The following KCNG3 variants were observed in gnomAD, a reference collection of about 807,000 sequenced individuals.
The protein encoded by KCNG3 is voltage-gated potassium channel regulatory subunit KCNG3.
Under a neutral mutation model 29.0 loss-of-function variants are expected in KCNG3, and 15 were observed. The ratio of observed to expected loss-of-function variants is 0.52; its 90% confidence interval spans 0.35 to 0.80. The LOEUF is 0.80. Among genes scored for constraint, KCNG3 ranks in the 30% least tolerant of loss-of-function variants. The pLI is 0.01. For synonymous variants in KCNG3, 322 were observed against 248.9 expected, an observed-to-expected ratio of 1.29 and a Z score of -2.76; for missense variants, 512 against 605.7, an observed-to-expected ratio of 0.85 and a Z score of 1.62.
At chr2:42,391,351 A>G in the KCNG3 span, among the ~76,000 whole-genome samples, 1 of 152,292 alleles carries the variant, frequency 6.6e-6, no homozygotes, top group South Asian at 2.1e-4. Flanking sequence ...TTCAACACCC[A>G]TAACTCACAG....
downstream of KCNG3, among the ~76,000 whole-genome samples, chr2:42,441,721 C>T (rs1258826531): frequency 1.3e-4 from 1 of 7,818 alleles, no homozygotes; most frequent in African/African-American, 2.3e-4. Context: ...TATATACACA[C>T]ACACATATCC....
At chr2:42,418,924 G>T in the KCNG3 span, among the ~76,000 whole-genome samples, 2 of 152,036 alleles carry the variant, frequency 1.3e-5, no homozygotes, top group African/African-American at 4.8e-5. Context: ...TTCTGTATCA[G>T]ATTTTATGGC....
the KCNG3 span, among the ~76,000 whole-genome samples, chr2:42,436,726 C>T: frequency 6.6e-6 from 1 of 152,194 alleles, no homozygotes; most frequent in African/African-American, 2.4e-5. Flanking sequence ...ATCCCAGCTA[C>T]CCCTTAGAAA....
chr2:42,470,375 C>T (rs1201002854), intron 1 of KCNG3: 1 of 219,610 alleles, frequency 4.6e-6, no homozygotes, highest in African/African-American at 2.4e-5. Flanking sequence ...CAGCCACAGT[C>T]AGAAAGATAT....
At chr2:42,468,554 AT>A (rs1673202115) in intron 1 of KCNG3, among the ~76,000 whole-genome samples, 1 of 152,218 alleles carries the variant, frequency 6.6e-6, no homozygotes, top group Non-Finnish European at 1.5e-5. Context: ...ATATAAAATA[AT>A]TTTTAGATGA....
intron 1 of KCNG3, among the ~76,000 whole-genome samples, chr2:42,449,913 T>C (rs1672707390): frequency 6.6e-6 from 1 of 152,162 alleles, no homozygotes; most frequent in African/African-American, 2.4e-5. Context: ...CCAGCTAACA[T>C]ACTCTGTCTC....
chr2:42,472,376 G>A (rs1022991327), intron 1 of KCNG3, among the ~76,000 whole-genome samples: 4 of 152,106 alleles, frequency 2.6e-5, no homozygotes, highest in African/African-American at 9.7e-5. Context: ...TATATTTCGT[G>A]TACATAATCA....
chr2:42,421,223 A>G, the KCNG3 span, among the ~76,000 whole-genome samples: 2 of 152,240 alleles, frequency 1.3e-5, no homozygotes, highest in Non-Finnish European at 2.9e-5. Flanking sequence ...CTGAGCAACA[A>G]TTATGTGCTG....
the KCNG3 span, among the ~76,000 whole-genome samples, chr2:42,406,326 TCTC>T: frequency 6.6e-6 from 1 of 151,172 alleles, no homozygotes; most frequent in Non-Finnish European, 1.5e-5. Flanking sequence ...TTCAAGCAAT[TCTC>T]CTGTCTCAGC....
In KCNG3 at chr2:42,448,005, T is replaced by C. The variant is rs1401898685; in HGVS notation, c.666-3426A>G. 3.3e-5 allele frequency among the ~76,000 whole-genome samples: 5 copies of C among 152,172 alleles called. No individual in the cohort carries two copies. In the East Asian group the frequency reaches 7.7e-4, roughly 23 times the overall value. On this transcript the variant is annotated intron_variant, in intron 1 of 1. Transcript: ENST00000306078. Reference sequence around the variant, plus strand: ...AAATTACCCACCCACAGGCAATGCATAGGAGTGTCTATTCCCCACGGCCTC... The same window carrying C: ...AAATTACCCACCCACAGGCAATGCACAGGAGTGTCTATTCCCCACGGCCTC...
chr2:42,391,291 A>G, the KCNG3 span, among the ~76,000 whole-genome samples: 1 of 152,186 alleles, frequency 6.6e-6, no homozygotes, highest in Non-Finnish European at 1.5e-5. Context: ...TGACCAGAAG[A>G]CAAGCCCCTA....
At chr2:42,482,777 A>G (rs1177825969) in intron 1 of KCNG3, among the ~76,000 whole-genome samples, 1 of 152,044 alleles carries the variant, frequency 6.6e-6, no homozygotes, top group African/African-American at 2.4e-5. Context: ...ACAATCTTGT[A>G]AATATCCCAA....
chr2:42,471,184 GTATA>G (rs111230198), intron 1 of KCNG3, among the ~76,000 whole-genome samples: 30 of 147,950 alleles, frequency 2.0e-4, no homozygotes, highest in East Asian at 2.0e-3. Context: ...GTGTGTGTGT[GTATA>G]TATATATATA....
chr2:42,462,320 A>C (rs372889051), intron 1 of KCNG3, among the ~76,000 whole-genome samples: 98 of 152,332 alleles, frequency 6.4e-4, no homozygotes, highest in South Asian at 8.3e-4. Context: ...GGTAGAAAAG[A>C]AGCAGCTATC....
chr2:42,398,538 T>C, the KCNG3 span, among the ~76,000 whole-genome samples: 5 of 152,156 alleles, frequency 3.3e-5, no homozygotes, highest in African/African-American at 1.2e-4. Context: ...CCAGATTAAA[T>C]AAACCGTCTT....
intron 1 of KCNG3, among the ~76,000 whole-genome samples, chr2:42,454,242 C>T (rs1672828009): frequency 6.6e-6 from 1 of 152,086 alleles, no homozygotes; most frequent in Non-Finnish European, 1.5e-5. Flanking sequence ...AGTAATCACG[C>T]TTCTGGGTAT....
chr2:42,472,049 C>T (rs1673303237), intron 1 of KCNG3, among the ~76,000 whole-genome samples: 1 of 152,120 alleles, frequency 6.6e-6, no homozygotes, highest in Non-Finnish European at 1.5e-5. Flanking sequence ...AGTAGAACTA[C>T]TCTGGAGAGC....
intron 1 of KCNG3, among the ~76,000 whole-genome samples, chr2:42,491,688 A>G (rs2103617621): frequency 6.6e-6 from 1 of 152,352 alleles, no homozygotes; most frequent in South Asian, 2.1e-4. Context: ...AAGAAATAAT[A>G]GACTCCGTGG....
chr2:42,454,169 T>C (rs1253037282), intron 1 of KCNG3, among the ~76,000 whole-genome samples: 4 of 150,728 alleles, frequency 2.7e-5, no homozygotes, highest in African/African-American at 9.7e-5. Flanking sequence ...AAAGGGTACA[T>C]CCACTATGCA....
Sources: gnomAD v4.1 joint callset for allele counts (sites outside exome capture counted in the v4.1 genomes callset) on GRCh38, gnomAD v4.1.1 for gene constraint, MANE v1.5 for transcripts, NCBI Gene and HGNC (gene_info 2026-07-23, HGNC 2026-07-21) for gene names.